ANO1: variants seen among roughly 807,000 people sequenced by gnomAD.
ANO1 encodes anoctamin-1.
In ANO1, 59 loss-of-function variants were observed where a neutral mutation model predicts 124.0. The ratio of observed to expected loss-of-function variants is 0.48; its 90% CI spans 0.39 to 0.59. The LOEUF is 0.59. Among genes scored for constraint, ANO1 ranks in the 20% least tolerant of loss-of-function variants. ANO1 has a pLI of 0.00. For missense variants in ANO1, 1,059 were observed against 1,328.0 expected (o/e 0.80, Z 3.15); for synonymous variants, 529 against 532.0 (o/e 0.99, Z 0.08).
chr11:70,145,278 C>G (rs1196640545), intron 11 of ANO1, among the ~76,000 whole-genome samples: 1 of 152,190 alleles, frequency 6.6e-6, no homozygotes, highest in Non-Finnish European at 1.5e-5. Context: ...ACAGCTCCAC[C>G]CCCACGCTCA....
intron 1 of ANO1, among the ~76,000 whole-genome samples, chr11:70,067,023 C>G (rs1225111680): frequency 6.6e-6 from 1 of 152,210 alleles, no homozygotes; most frequent in African/African-American, 2.4e-5. Context: ...TGCTGTTTTC[C>G]TAACTCATGT....
chr11:69,998,490 G>A (rs782384939), intron 1 of ANO1, among the ~76,000 whole-genome samples: 4 of 152,210 alleles, frequency 2.6e-5, no homozygotes, highest in Non-Finnish European at 5.9e-5. Flanking sequence ...GCGTCCTCAT[G>A]GGGTATCCAT....
chr11:70,067,126 C>G (rs938760992), intron 1 of ANO1, among the ~76,000 whole-genome samples: 1 of 152,154 alleles, frequency 6.6e-6, no homozygotes, highest in Non-Finnish European at 1.5e-5. Context: ...AAGGGCCCCC[C>G]ACAGAGCAAG....
chr11:70,158,743 T>A (rs1054198555), intron 16 of ANO1, among the ~76,000 whole-genome samples: 1 of 152,150 alleles, frequency 6.6e-6, no homozygotes, highest in South Asian at 2.1e-4. Flanking sequence ...TGCTCTTAGG[T>A]ACAGTAAGAG....
At chr11:69,981,328 T>C (rs1343099447), upstream of ANO1, among the ~76,000 whole-genome samples, 1 of 152,218 alleles carries the variant, frequency 6.6e-6, no homozygotes, top group Non-Finnish European at 1.5e-5. Context: ...TCTGATTCCT[T>C]ATCTGTAAAG....
chr11:70,105,239 T>C (rs1005926930), intron 4 of ANO1, among the ~76,000 whole-genome samples: 6 of 152,232 alleles, frequency 3.9e-5, no homozygotes, highest in African/African-American at 1.4e-4. Context: ...AGGGAGTGTG[T>C]TCCCAAGATG....
At chr11:70,088,313 C>T (rs1280458510) in intron 2 of ANO1, among the ~76,000 whole-genome samples, 1 of 151,994 alleles carries the variant, frequency 6.6e-6, no homozygotes, top group Non-Finnish European at 1.5e-5. Flanking sequence ...AGATCGAGGC[C>T]ATCCTGGCCA....
the ANO1 span, among the ~76,000 whole-genome samples, chr11:69,980,513 T>C: frequency 6.6e-6 from 1 of 151,238 alleles, no homozygotes; most frequent in Middle Eastern, 3.2e-3. Context: ...CCCAGCTACT[T>C]GGGAGGCTGA....
At chr11:70,069,573 AG>A (rs1215932000) in intron 1 of ANO1, among the ~76,000 whole-genome samples, 44 of 152,152 alleles carry the variant, frequency 2.9e-4, no homozygotes, top group East Asian at 3.9e-4. Flanking sequence ...GCCTGATTTC[AG>A]ACGTAATCGT....
At chr11:70,123,270 C>T (rs1281740851) in intron 8 of ANO1, among the ~76,000 whole-genome samples, 1 of 152,180 alleles carries the variant, frequency 6.6e-6, no homozygotes, top group South Asian at 2.1e-4. Context: ...GCAGGCGGCC[C>T]CTCTATGGAT....
rs927460496 is a variant in ANO1 at position 70,155,844 on chromosome 11, C to A, written c.1426-67C>A. On this transcript the variant is annotated intron_variant, in intron 14 of 25. Transcript: ENST00000355303. ...GCCAAGATGGGGACGGTTCCCTGGG[C>A]CCCGCGGTCTGCGGTGCCGCCTCCC... is the stretch of plus-strand genomic sequence containing the variant. 7.7e-6 allele frequency: 11 copies of A among 1,420,756 alleles called. No individual in the cohort carries two copies. The African/African-American group carries it at 1.5e-4, about 19-fold the overall frequency. 88.0% of individuals were successfully genotyped at this position (1,420,756 alleles called of 1,614,324 possible).
intron 24 of ANO1, among the ~76,000 whole-genome samples, chr11:70,183,088 A>G (rs1430392263): frequency 1.3e-5 from 2 of 152,190 alleles, no homozygotes; most frequent in Admixed American, 1.3e-4. Context: ...CAGCCTGGGC[A>G]ACAGAGTGAG....
intron 2 of ANO1, among the ~76,000 whole-genome samples, chr11:70,095,426 GAA>G (rs67301374): frequency 2.1e-5 from 1 of 47,462 alleles, no homozygotes; most frequent in Non-Finnish European, 5.1e-5. Context: ...AAGAAAGAAA[GAA>G]AAGAAAAGAA....
intron 1 of ANO1, among the ~76,000 whole-genome samples, chr11:70,033,000 C>G (rs904273580): frequency 1.3e-5 from 2 of 152,154 alleles, no homozygotes; most frequent in Admixed American, 6.5e-5. Flanking sequence ...ACGGCGTGCC[C>G]GGTTCCCTTA....
intron 7 of ANO1, among the ~76,000 whole-genome samples, chr11:70,112,464 T>C (rs918158770): frequency 6.6e-6 from 1 of 152,018 alleles, no homozygotes; most frequent in African/African-American, 2.4e-5. Context: ...CCGCCTTGAG[T>C]GGTGGAGTCA....
intron 10 of ANO1, among the ~76,000 whole-genome samples, chr11:70,128,891 G>A (rs1036636982): frequency 6.6e-6 from 1 of 152,252 alleles, no homozygotes; most frequent in African/African-American, 2.4e-5. Flanking sequence ...AGAGCGGTAG[G>A]GCTCATGGGC....
chr11:70,108,483 C>A, intron 6 of ANO1, 79 bp downstream of exon 6: 1 of 1,494,812 alleles, frequency 6.7e-7, no homozygotes, highest in Non-Finnish European at 9.3e-7. Context: ...CTGTGGGAGG[C>A]AGGCAGCCGG....
upstream of ANO1, among the ~76,000 whole-genome samples, chr11:69,983,177 T>C (rs1263282546): frequency 6.6e-6 from 1 of 151,886 alleles, no homozygotes; most frequent in African/African-American, 2.4e-5. Context: ...TCCCTGCAAG[T>C]CCCCAGCATC....
intron 5 of ANO1, among the ~76,000 whole-genome samples, chr11:70,107,498 C>CGGGGGG: frequency 1.3e-5 from 1 of 77,384 alleles, no homozygotes; most frequent in East Asian, 4.8e-4. Context: ...GGCGGCGGGG[C>CGGGGGG]GGGGAAGCGG....
Sources: allele counts gnomAD v4.1 joint callset (sites outside exome capture counted in the v4.1 genomes callset), GRCh38; gene constraint gnomAD v4.1.1; transcripts MANE v1.5; gene names NCBI Gene and HGNC (gene_info 2026-07-23, HGNC 2026-07-21).